Variants in FHIT observed in about 807,000 individuals in gnomAD.
FHIT encodes fragile histidine triad diadenosine triphosphatase.
FHIT carries 19 observed loss-of-function variants against 17.9 expected under a neutral mutation model. The ratio of observed to expected loss-of-function variants is 1.06; its 90% CI spans 0.74 to 1.56. FHIT has a LOEUF of 1.56. Ranked by LOEUF, FHIT falls within the 40% of genes most tolerant of loss-of-function variation. FHIT has a pLI of 0.00. For synonymous variants in FHIT, 81 were observed against 69.7 expected, an observed-to-expected ratio of 1.16 and a Z score of -0.81; for missense variants, 248 against 189.2, an observed-to-expected ratio of 1.31 and a Z score of -1.82.
At chr3:60,068,532 T>C (rs1446599958) in intron 5 of FHIT, among the ~76,000 whole-genome samples, 2 of 152,186 alleles carry the variant, frequency 1.3e-5, no homozygotes, top group East Asian at 3.9e-4. Flanking sequence ...AGGACCATGA[T>C]ACAAATGGCA....
At chr3:60,211,784 T>C (rs878915362) in intron 5 of FHIT, among the ~76,000 whole-genome samples, 1 of 152,160 alleles carries the variant, frequency 6.6e-6, no homozygotes, top group Admixed American at 6.6e-5. Flanking sequence ...GGTAAGGCAT[T>C]CTGACTGGGG....
intron 4 of FHIT, among the ~76,000 whole-genome samples, chr3:60,706,297 A>G (rs1004953911): frequency 6.6e-6 from 1 of 152,284 alleles, no homozygotes; most frequent in Middle Eastern, 3.4e-3. Context: ...TGCGGGGCTT[A>G]AAACCTAGAT....
At chr3:60,092,870 AAAGAG>A (rs1226209805) in intron 5 of FHIT, among the ~76,000 whole-genome samples, 3 of 152,224 alleles carry the variant, frequency 2.0e-5, no homozygotes, top group Non-Finnish European at 4.4e-5. Context: ...AGGGAGCAGA[AAAGAG>A]AAAATAGATT....
chr3:60,691,159 C>T (rs1033925122), intron 4 of FHIT, among the ~76,000 whole-genome samples: 1 of 152,064 alleles, frequency 6.6e-6, no homozygotes, highest in East Asian at 1.9e-4. Flanking sequence ...TCGTTGTGCT[C>T]CGAAGAGCTT....
intron 5 of FHIT, among the ~76,000 whole-genome samples, chr3:60,532,068 G>A (rs1270318583): frequency 6.6e-6 from 1 of 152,208 alleles, no homozygotes; most frequent in East Asian, 1.9e-4. Flanking sequence ...GTAACATTCT[G>A]CGTGAGATGG....
chr3:61,060,999 T>G (rs1052049967), intron 2 of FHIT, among the ~76,000 whole-genome samples: 12 of 152,236 alleles, frequency 7.9e-5, no homozygotes, highest in African/African-American at 2.9e-4. Context: ...GATGCATTCA[T>G]CCTTGAGCAT....
intron 8 of FHIT, among the ~76,000 whole-genome samples, chr3:59,765,188 C>T (rs1480553347): frequency 1.3e-5 from 2 of 152,202 alleles, no homozygotes; most frequent in Non-Finnish European, 2.9e-5. Context: ...GTTAATCTCA[C>T]CTCAGTGCCA....
chr3:59,866,882 G>C (rs1050284229), intron 8 of FHIT, among the ~76,000 whole-genome samples: 4 of 151,938 alleles, frequency 2.6e-5, no homozygotes, highest in Non-Finnish European at 5.9e-5. Context: ...TTCCAAATCC[G>C]GCTGATAATT....
intron 5 of FHIT, among the ~76,000 whole-genome samples, chr3:60,459,774 C>T (rs1215792406): frequency 2.0e-5 from 3 of 152,172 alleles, no homozygotes; most frequent in African/African-American, 7.2e-5. Context: ...TTTTAAGGCA[C>T]TCTCAGTTCA....
At chr3:60,898,285 T>A (rs1218467227) in intron 3 of FHIT, among the ~76,000 whole-genome samples, 2 of 152,102 alleles carry the variant, frequency 1.3e-5, no homozygotes, top group South Asian at 2.1e-4. Context: ...TCTTAGGATT[T>A]AAAAAAAATA....
At chr3:60,518,807 G>C (rs2035253316) in intron 5 of FHIT, among the ~76,000 whole-genome samples, 1 of 152,132 alleles carries the variant, frequency 6.6e-6, no homozygotes, top group Non-Finnish European at 1.5e-5. Flanking sequence ...CCAGGAGTTT[G>C]AGACCAGCCT....
intron 4 of FHIT, among the ~76,000 whole-genome samples, chr3:60,659,167 T>C (rs1235414560): frequency 1.3e-5 from 2 of 152,084 alleles, no homozygotes; most frequent in Non-Finnish European, 2.9e-5. Context: ...TCCTTCTACA[T>C]AATGAGTTGC....
chr3:60,208,755 C>CA (rs1450607969), intron 5 of FHIT, among the ~76,000 whole-genome samples: 2 of 152,134 alleles, frequency 1.3e-5, no homozygotes, highest in African/African-American at 2.4e-5. Flanking sequence ...AAATAATCAC[C>CA]AGGACAGGCA....
At chr3:60,115,697 C>T (rs1363632809) in intron 5 of FHIT, among the ~76,000 whole-genome samples, 2 of 152,096 alleles carry the variant, frequency 1.3e-5, no homozygotes, top group Non-Finnish European at 2.9e-5. Context: ...AGAACAAATT[C>T]TGATACACAA....
In FHIT at chr3:60,894,350, G is replaced by A. The variant is rs1366004532; in HGVS notation, c.-110-72339C>T. 4.6e-5 allele frequency among the ~76,000 whole-genome samples: 7 copies of A among 152,066 alleles called. No homozygotes were observed. In the East Asian group the frequency reaches 7.7e-4, roughly 17 times the overall value. On this transcript the variant is annotated intron_variant, in intron 3 of 9. Coordinates refer to ENST00000492590, the MANE Select transcript of FHIT (RefSeq NM_002012.4). ...CATGGCTTATTCCCAGAGTCACCCC[G>A]TCCTTTCCAAGGCATTCTATGCTGC... is the stretch of plus-strand genomic sequence containing the variant.
At chr3:59,879,037 G>A (rs1703290269) in intron 8 of FHIT, among the ~76,000 whole-genome samples, 1 of 151,900 alleles carries the variant, frequency 6.6e-6, no homozygotes, top group South Asian at 2.1e-4. Flanking sequence ...AAGAAGAAAG[G>A]GCACATTCTA....
intron 2 of FHIT, among the ~76,000 whole-genome samples, chr3:61,062,547 A>G (rs2034464401): frequency 6.6e-6 from 1 of 152,222 alleles, no homozygotes; most frequent in Non-Finnish European, 1.5e-5. Context: ...GAATAAAAAA[A>G]GAGTTTTTGG....
chr3:60,130,810 T>G (rs1334759189), intron 5 of FHIT, among the ~76,000 whole-genome samples: 1 of 150,066 alleles, frequency 6.7e-6, no homozygotes, highest in Non-Finnish European at 1.5e-5. Context: ...CATATATATG[T>G]GTGTATGTGT....
intron 4 of FHIT, among the ~76,000 whole-genome samples, chr3:60,754,933 T>C (rs1553717930): frequency 6.6e-6 from 1 of 152,202 alleles, no homozygotes; most frequent in Non-Finnish European, 1.5e-5. Context: ...GATTGCAAGG[T>C]TGCAAGAGAG....
Sources: gnomAD v4.1 joint callset for allele counts (sites outside exome capture counted in the v4.1 genomes callset) on GRCh38, gnomAD v4.1.1 for gene constraint, MANE v1.5 for transcripts, NCBI Gene and HGNC (gene_info 2026-07-23, HGNC 2026-07-21) for gene names.